Variants in NSMCE1 observed in about 807,000 individuals in gnomAD.
NSMCE1 encodes the protein NSE1 component of SMC5/6 complex.
In NSMCE1, 18 loss-of-function variants were observed where a neutral mutation model predicts 29.6. The observed-to-expected ratio is 0.61, with a 90% CI of 0.42 to 0.90. NSMCE1 has a LOEUF of 0.90. Among genes scored for constraint, NSMCE1 ranks in the 40% least tolerant of loss-of-function variants. The pLI is 0.00. For missense variants in NSMCE1, 314 were observed against 343.6 expected, an observed-to-expected ratio of 0.91 and a Z score of 0.68; for synonymous variants, 124 against 133.4, an observed-to-expected ratio of 0.93 and a Z score of 0.49.
rs938911420 is a variant in NSMCE1, at chr16:27,253,265, G to A, written c.136+4170C>T. Among the ~76,000 whole-genome samples the A allele has an allele frequency of 2.4e-4, 37 of 152,220 alleles. 1 individual carries two copies. Among genetic ancestry groups the A allele is most frequent in the African/African-American group, 9.6e-5 (4 of 41,458 alleles). On this transcript the variant is annotated intron_variant, in intron 2 of 7. Coordinates refer to ENST00000361439, the MANE Select transcript of NSMCE1 (RefSeq NM_145080.4). ...AGGTAGCCCAGGACTTACAACTGGT[G>A]TCTTAAGTTGGGTCAGTCTTGTGAC...
chr16:27,230,051 G>C (rs1208481178), intron 5 of NSMCE1, among the ~76,000 whole-genome samples: 2 of 152,204 alleles, frequency 1.3e-5, no homozygotes, highest in Admixed American at 6.5e-5. Context: ...ACAACACTTG[G>C]AAGTCAGGAC....
intron 1 of NSMCE1, chr16:27,258,086 T>C (rs2084107457): frequency 6.6e-6 from 1 of 152,274 alleles, no homozygotes. Context: ...TTTCTCACCA[T>C]AAAATTATAA....
intron 2 of NSMCE1, among the ~76,000 whole-genome samples, chr16:27,245,526 T>C (rs535258922): frequency 2.0e-5 from 3 of 152,280 alleles, no homozygotes; most frequent in Non-Finnish European, 4.4e-5. Context: ...CAGCCTGGAC[T>C]CCCAGGCTGC....
At chr16:27,258,246 A>C (rs770749900) in intron 1 of NSMCE1, 5 of 152,276 alleles carry the variant, frequency 3.3e-5, no homozygotes, top group Admixed American at 6.5e-5. Flanking sequence ...ATCTTTCCGT[A>C]AACCACAAAG....
At chr16:27,262,974 T>A (rs7188707) in intron 1 of NSMCE1, among the ~76,000 whole-genome samples, 2 of 151,942 alleles carry the variant, frequency 1.3e-5, no homozygotes, top group African/African-American at 4.8e-5. Flanking sequence ...ATTAGAGAAA[T>A]GCAAATCAAA....
chr16:27,244,693 A>C (rs1009275319), intron 2 of NSMCE1, among the ~76,000 whole-genome samples: 1 of 152,136 alleles, frequency 6.6e-6, no homozygotes, highest in South Asian at 2.1e-4. Context: ...CCAAAGCCAC[A>C]CCCCAGGCCC....
At position 27,232,993 on chromosome 16, in the gene NSMCE1, G is replaced by A. The variant is rs764852354; in HGVS notation, c.483+8C>T. 1.7e-5 allele frequency: 28 copies of A among 1,612,670 alleles called. No homozygotes were observed. Among genetic ancestry groups the A allele is most frequent in the African/African-American group, 2.7e-5 (2 of 74,872 alleles). On this transcript the variant is annotated splice_region_variant and intron_variant, in intron 5 of 7. Coordinates refer to ENST00000361439, the MANE Select transcript of NSMCE1 (RefSeq NM_145080.4). This position sits in a 1 kb window ranked among gnomAD's most constrained non-coding sequence, Gnocchi z 4.5. ...GTGAACCAGGCTGGAAAAACCATGA[G>A]ACAGTACCTCAATCAGCCACTTGTT...
chr16:27,226,257 G>A (rs545463604), intron 6 of NSMCE1: 5 of 219,334 alleles, frequency 2.3e-5, no homozygotes, highest in East Asian at 2.4e-4. Context: ...ACAGGTGTAC[G>A]AGGCCCGTAA....
At chr16:27,229,125 C>T (rs990321924) in intron 5 of NSMCE1, among the ~76,000 whole-genome samples, 8 of 152,340 alleles carry the variant, frequency 5.3e-5, no homozygotes, top group Admixed American at 5.2e-4. Context: ...GCTCGCCTCG[C>T]AATCTTTGTG....
chr16:27,254,845 T>TAGGTTTAA (rs2084068734), intron 2 of NSMCE1, among the ~76,000 whole-genome samples: 1 of 143,874 alleles, frequency 7.0e-6, no homozygotes, highest in Admixed American at 7.2e-5. Flanking sequence ...TATTGAGGGG[T>TAGGTTTAA]AGGTTTAAAG....
At chr16:27,255,124 C>A (rs1023477631) in intron 2 of NSMCE1, among the ~76,000 whole-genome samples, 2 of 152,072 alleles carry the variant, frequency 1.3e-5, no homozygotes, top group Admixed American at 6.6e-5. Context: ...AGGTGACCCA[C>A]CCTCCTCAGC....
intron 2 of NSMCE1, among the ~76,000 whole-genome samples, chr16:27,252,567 G>A (rs2084045811): frequency 6.6e-6 from 1 of 151,970 alleles, no homozygotes; most frequent in African/African-American, 2.4e-5. Flanking sequence ...ATGATCACTT[G>A]AGCCTAGGTG....
intron 5 of NSMCE1, among the ~76,000 whole-genome samples, chr16:27,228,466 C>T (rs2083726798): frequency 1.3e-5 from 2 of 152,010 alleles, no homozygotes; most frequent in East Asian, 1.9e-4. Context: ...ATCATGGCAC[C>T]CCACCTCCCT....
chr16:27,235,316 CAAAAAAAGG>C lies in NSMCE1; in HGVS notation c.137-26_137-18del. Reference sequence around the variant, plus strand: ...TGGCATTGCCTGGAAATAAACAGACCAAAAAAAGGGGGGTGACCAGGGGGCCTCATCAAA... The same window carrying C: ...TGGCATTGCCTGGAAATAAACAGACCGGGGTGACCAGGGGGCCTCATCAAA... On this transcript the variant is annotated intron_variant, in intron 2 of 7. Transcript: ENST00000361439. The C allele has an allele frequency of 6.2e-7, 1 of 1,603,506 alleles. No individual in the cohort carries two copies. Among genetic ancestry groups the C allele is most frequent in the Non-Finnish European group, 8.5e-7 (1 of 1,177,004 alleles).
chr16:27,225,120 C>T lies in NSMCE1; in HGVS notation c.*37G>A. The T allele has an allele frequency of 1.6e-6, 2 of 1,279,912 alleles. No individual in the cohort carries two copies. The highest frequency in any genetic ancestry group is 2.2e-6 in the Non-Finnish European group (2 of 889,482). 79.3% of individuals were successfully genotyped at this position (1,279,912 alleles called of 1,614,324 possible). A position where few individuals can be genotyped will look rare whatever the true frequency, so the allele number is the denominator to read the frequency against. ...CCAAGAAGGGCTGTGGCGATCAGGCCACTCAAGGCAGCCAGCCCCTCAGCA... is the reference window on the plus strand; with the variant it reads ...CCAAGAAGGGCTGTGGCGATCAGGCTACTCAAGGCAGCCAGCCCCTCAGCA... On this transcript the variant is annotated 3_prime_UTR_variant, in exon 8 of 8. Coordinates refer to ENST00000361439, the MANE Select transcript of NSMCE1 (RefSeq NM_145080.4).
chr16:27,257,706 G>T, intron 1 of NSMCE1, 125 bp from the exon 2 acceptor site: 1 of 770,090 alleles, frequency 1.3e-6, no homozygotes, highest in Non-Finnish European at 2.0e-6. Context: ...TCTTCATGCT[G>T]TTTACTACAA....
chr16:27,238,178 G>A (rs1186597914), intron 2 of NSMCE1, among the ~76,000 whole-genome samples: 1 of 152,176 alleles, frequency 6.6e-6, no homozygotes, highest in Non-Finnish European at 1.5e-5. Context: ...GTGGGCTCTA[G>A]CCCATCCTGC....
chr16:27,235,414 G>T, intron 2 of NSMCE1, 115 bp from the exon 3 acceptor site: 1 of 1,167,660 alleles, frequency 8.6e-7, no homozygotes, highest in Non-Finnish European at 1.2e-6. Flanking sequence ...CCCCAGACAT[G>T]GGTGGAGGCT....
At chr16:27,248,177 C>T (rs1022768451) in intron 2 of NSMCE1, among the ~76,000 whole-genome samples, 5 of 152,084 alleles carry the variant, frequency 3.3e-5, no homozygotes, top group East Asian at 1.9e-4. Context: ...AGCCTTTGTG[C>T]GGGCATATAG....
Sources: allele counts gnomAD v4.1 joint callset (sites outside exome capture counted in the v4.1 genomes callset), GRCh38; gene constraint gnomAD v4.1.1; non-coding constraint Gnocchi (gnomAD v3.1); transcripts MANE v1.5; gene names NCBI Gene and HGNC (gene_info 2026-07-23, HGNC 2026-07-21).